ITGA4: variants seen among roughly 807,000 people sequenced by gnomAD.
ITGA4 encodes the protein integrin alpha-4.
In ITGA4, 63 loss-of-function variants were observed where a neutral mutation model predicts 133.6. The ratio of observed to expected loss-of-function variants is 0.47; its 90% confidence interval spans 0.38 to 0.58. ITGA4 has a LOEUF of 0.58. Ranked by LOEUF, ITGA4 falls within the 20% of genes least tolerant of loss-of-function variation. The probability of loss-of-function intolerance (pLI) is 0.00; values close to 1 mark genes in which losing one functional copy is unlikely to be tolerated. For missense variants in ITGA4, 1,076 were observed against 1,252.7 expected, an observed-to-expected ratio of 0.86 and a Z score of 2.13; for synonymous variants, 483 against 438.0, an observed-to-expected ratio of 1.10 and a Z score of -1.28.
intron 25 of ITGA4, among the ~76,000 whole-genome samples, chr2:181,532,965 G>T (rs1196117169): frequency 6.6e-6 from 1 of 152,034 alleles, no homozygotes; most frequent in Non-Finnish European, 1.5e-5. Flanking sequence ...GAATTTTATT[G>T]AAGCCCTTTT....
intron 2 of ITGA4, among the ~76,000 whole-genome samples, chr2:181,463,060 T>C (rs1461412160): frequency 1.3e-5 from 2 of 152,120 alleles, no homozygotes; most frequent in Non-Finnish European, 2.9e-5. Flanking sequence ...TCCTGAAGAA[T>C]TGGTGTTCAA....
intron 2 of ITGA4, among the ~76,000 whole-genome samples, chr2:181,466,372 G>C (rs1685416001): frequency 6.6e-6 from 1 of 152,090 alleles, no homozygotes; most frequent in African/African-American, 2.4e-5. Context: ...AATTGAGCAT[G>C]ATTATTGGCC....
chr2:181,530,017 CT>C (rs900621022), intron 23 of ITGA4, among the ~76,000 whole-genome samples: 1 of 152,090 alleles, frequency 6.6e-6, no homozygotes, highest in African/African-American at 2.4e-5. Flanking sequence ...GGATTATAGC[CT>C]TTTTTTAAGG....
intron 2 of ITGA4, among the ~76,000 whole-genome samples, chr2:181,470,395 C>T: frequency 6.6e-6 from 1 of 152,024 alleles, no homozygotes; most frequent in East Asian, 1.9e-4. Flanking sequence ...ATTGGACACC[C>T]CTGAGCTACA....
chr2:181,499,645 A>T (rs1686226936), intron 15 of ITGA4, among the ~76,000 whole-genome samples: 1 of 152,196 alleles, frequency 6.6e-6, no homozygotes, highest in Non-Finnish European at 1.5e-5. Flanking sequence ...AATAATCCCC[A>T]TGCTATTTCC....
intron 10 of ITGA4, among the ~76,000 whole-genome samples, chr2:181,489,873 G>A (rs576230555): frequency 3.7e-4 from 56 of 152,166 alleles, no homozygotes; most frequent in Middle Eastern, 3.4e-3. Flanking sequence ...AAAACTCTTC[G>A]GACGCCGAGT....
In ITGA4 at chr2:181,525,301, C is replaced by CA. The variant is rs759461180; in HGVS notation, c.2339+11dup. The stretch of plus-strand genomic sequence containing the variant: ...AGCTGACTGTTCATGGGTAAGTAGA[C>CA]ATAAAGGCTTCCTTTCAAATTTAGA... On this transcript the variant is annotated intron_variant, in intron 21 of 27. Transcript: ENST00000397033. 35 of 1,404,872 alleles carry CA rather than the reference C, an allele frequency of 2.5e-5. No individual in the cohort carries two copies. Among genetic ancestry groups the CA allele is most frequent in the Non-Finnish European group, 3.4e-5 (34 of 995,978 alleles). The allele number at this position is 1,404,872 out of a possible 1,614,324, so 87.0% of individuals were successfully genotyped here.
intron 15 of ITGA4, among the ~76,000 whole-genome samples, chr2:181,500,127 T>G (rs1043232083): frequency 7.2e-5 from 11 of 152,184 alleles, no homozygotes; most frequent in African/African-American, 2.7e-4. Context: ...TGATAGCACT[T>G]ACTGCTGGGA....
chr2:181,492,140 A>G (rs572353123), intron 10 of ITGA4, among the ~76,000 whole-genome samples: 4 of 152,350 alleles, frequency 2.6e-5, no homozygotes, highest in Middle Eastern at 3.4e-3. Flanking sequence ...ATTGCCTGGA[A>G]TATAGTAGGT....
At chr2:181,506,736 A>G (rs1192125745) in intron 15 of ITGA4, among the ~76,000 whole-genome samples, 2 of 152,114 alleles carry the variant, frequency 1.3e-5, no homozygotes, top group Admixed American at 6.6e-5. Flanking sequence ...ATAGGGATTT[A>G]TTCCCTATTT....
intron 7 of ITGA4, 97 bp downstream of exon 7, chr2:181,481,780 G>T: frequency 2.2e-6 from 1 of 455,334 alleles, no homozygotes; most frequent in Non-Finnish European, 3.9e-6. Context: ...TGTAAGGAAA[G>T]AAAGATTAGA....
chr2:181,489,741 T>TC (rs1686002409), intron 10 of ITGA4, among the ~76,000 whole-genome samples: 1 of 152,220 alleles, frequency 6.6e-6, no homozygotes, highest in African/African-American at 2.4e-5. Context: ...CTTGTGGGTA[T>TC]CCATCATCCA....
intron 24 of ITGA4, among the ~76,000 whole-genome samples, chr2:181,531,072 G>A (rs1286663746): frequency 3.3e-5 from 5 of 151,750 alleles, no homozygotes; most frequent in Non-Finnish European, 4.4e-5. Flanking sequence ...CCGAGATCAC[G>A]CCACTGCACT....
intron 11 of ITGA4, 54 bp downstream of exon 11, chr2:181,493,473 A>T (rs895927539): frequency 1.9e-6 from 2 of 1,060,886 alleles, no homozygotes; most frequent in African/African-American, 3.2e-5. Context: ...CATATCCTTA[A>T]AACTTCCAGG....
At chr2:181,502,408 G>A (rs1255828428) in intron 15 of ITGA4, among the ~76,000 whole-genome samples, 3 of 152,070 alleles carry the variant, frequency 2.0e-5, no homozygotes, top group Non-Finnish European at 2.9e-5. Context: ...TATGCTGATA[G>A]GCATGCTGCA....
At position 181,522,324 on chromosome 2, in the gene ITGA4, A is replaced by T. The variant is rs761405879; in HGVS notation, c.2056A>T (p.Ile686Phe). 2.5e-6 allele frequency: 4 copies of T among 1,604,846 alleles called. No homozygotes were observed. The South Asian group carries it at 3.4e-5, about 14-fold the overall frequency. Residue 686 changes from isoleucine to phenylalanine, a missense_variant, in exon 18 of 28, where the codon ATT becomes TTT. Around this residue, in one of 4 missense-constraint regions of ITGA4, gnomAD observed 365 missense variants for 421.4 expected, o/e 0.87. Transcript: ENST00000397033. ...HVKLPVGLYFIKILELEEKQI... is the reference protein window; with the variant it reads ...HVKLPVGLYFFKILELEEKQI... Reference sequence around the variant, plus strand: ...CAAACTACCCGTGGGTCTTTATTTCATTAAGATTTTAGAGCTGGTAAGTAC... The same window carrying T: ...CAAACTACCCGTGGGTCTTTATTTCTTTAAGATTTTAGAGCTGGTAAGTAC...
At position 181,495,805 on chromosome 2, in the gene ITGA4, G is replaced by A. The variant is rs754162680; in HGVS notation, c.1408G>A (p.Asp470Asn). The A allele has an allele frequency of 6.2e-7, 1 of 1,613,796 alleles. No individual in the cohort carries two copies. The highest frequency in any genetic ancestry group is 1.7e-5 in the Admixed American group (1 of 59,990). ...CAGGACAAGACCTGTAGTAATTGTT[G>A]ACGCTTCTTTAAGCCACCCTGAGTC... is the stretch of plus-strand genomic sequence containing the variant. ...LLRTRPVVIV[D>N]ASLSHPESVN... Residue 470 changes from aspartate (D) to asparagine (N), a missense_variant, in exon 14 of 28, where the codon GAC becomes AAC. Asp to Asn is a conservative substitution (Grantham distance 23). Around this residue, in one of 4 missense-constraint regions of ITGA4, gnomAD observed 436 missense variants for 590.7 expected, o/e 0.74. Transcript: ENST00000397033. The surrounding 1 kb of genome is among the most constrained non-coding windows in gnomAD (Gnocchi z 4.3).
Position 181,523,369 on chromosome 2 carries a change from C to A in ITGA4, c.2074-68C>A. 2.2e-6 allele frequency: 2 copies of A among 897,820 alleles called. No individual in the cohort carries two copies. Among genetic ancestry groups the A allele is most frequent in the South Asian group, 1.4e-5 (1 of 73,582 alleles). The allele number at this position is 897,820 out of a possible 1,614,324, so 55.6% of individuals were successfully genotyped here. A position where few individuals can be genotyped will look rare whatever the true frequency, so the allele number is the denominator to read the frequency against. On this transcript the variant is annotated intron_variant, in intron 18 of 27. Transcript: ENST00000397033. This position sits in a 1 kb window ranked among gnomAD's most constrained non-coding sequence, Gnocchi z 4.2. Reference sequence around the variant, plus strand: ...GATGATATTCTTTTCAATAACCATCCTTAAACATATGTTACAAACTTTTTA... The same window carrying A: ...GATGATATTCTTTTCAATAACCATCATTAAACATATGTTACAAACTTTTTA...
intron 2 of ITGA4, among the ~76,000 whole-genome samples, chr2:181,461,493 C>G (rs1300724564): frequency 6.6e-6 from 1 of 151,816 alleles, no homozygotes; most frequent in Non-Finnish European, 1.5e-5. Context: ...TGTCCACTTT[C>G]CACCCGGGCA....
Sources: allele counts gnomAD v4.1 joint callset (sites outside exome capture counted in the v4.1 genomes callset), GRCh38; gene constraint gnomAD v4.1.1; regional missense constraint gnomAD v4.1.1; non-coding constraint Gnocchi (gnomAD v3.1); transcripts MANE v1.5; gene names NCBI Gene and HGNC (gene_info 2026-07-23, HGNC 2026-07-21).